Variants in PHACTR1 observed in about 807,000 individuals in gnomAD.
PHACTR1 encodes phosphatase and actin regulator 1.
In PHACTR1, 16 loss-of-function variants were observed where a neutral mutation model predicts 69.2. That is an observed-to-expected ratio of 0.23 (90% CI 0.16 to 0.35). The LOEUF is 0.35. PHACTR1 is among the 10% of genes least tolerant of loss of function. The pLI is 1.00. For missense variants in PHACTR1, 510 were observed against 734.7 expected, an observed-to-expected ratio of 0.69 and a Z score of 3.54; for synonymous variants, 312 against 284.5, an observed-to-expected ratio of 1.10 and a Z score of -0.97.
At chr6:12,740,208 G>A (rs1437945566) in intron 3 of PHACTR1, among the ~76,000 whole-genome samples, 1 of 151,798 alleles carries the variant, frequency 6.6e-6, no homozygotes, top group Non-Finnish European at 1.5e-5. Context: ...TTACAATTAT[G>A]TTTATATATT....
chr6:13,000,636 G>GGAAGGAAGGAAGGAAGGAAT (rs1797975415), intron 4 of PHACTR1, among the ~76,000 whole-genome samples: 1 of 109,772 alleles, frequency 9.1e-6, no homozygotes, highest in African/African-American at 4.0e-5. Flanking sequence ...AAGGAAGGAA[G>GGAAGGAAGGAAGGAAGGAAT]GAAGGGGGGA....
chr6:12,838,359 TG>T (rs1412064146), intron 4 of PHACTR1, among the ~76,000 whole-genome samples: 1 of 152,210 alleles, frequency 6.6e-6, no homozygotes, highest in African/African-American at 2.4e-5. Flanking sequence ...CTGTATCTGA[TG>T]CCTGTCTCCT....
chr6:12,752,009 G>T (rs1174124310), intron 4 of PHACTR1, among the ~76,000 whole-genome samples: 1 of 152,100 alleles, frequency 6.6e-6, no homozygotes, highest in Admixed American at 6.5e-5. Flanking sequence ...ATAAGATCAG[G>T]CTACCAAAAA....
At chr6:12,852,012 T>G (rs532775608) in intron 4 of PHACTR1, among the ~76,000 whole-genome samples, 3 of 152,240 alleles carry the variant, frequency 2.0e-5, no homozygotes, top group Admixed American at 2.0e-4. Flanking sequence ...CTTTTGTATT[T>G]TTAGTAGAGA....
At chr6:12,847,125 C>G (rs576099252) in intron 4 of PHACTR1, among the ~76,000 whole-genome samples, 1 of 152,234 alleles carries the variant, frequency 6.6e-6, no homozygotes, top group African/African-American at 2.4e-5. Context: ...CAGCAACTTG[C>G]TTTTTTTCTT....
chr6:12,719,318 T>A (rs1452464232), intron 3 of PHACTR1, among the ~76,000 whole-genome samples: 1 of 152,190 alleles, frequency 6.6e-6, no homozygotes, highest in Non-Finnish European at 1.5e-5. Flanking sequence ...CCGCCTCAGA[T>A]AATTACTAGT....
At chr6:13,177,164 C>T (rs1253554767) in intron 6 of PHACTR1, among the ~76,000 whole-genome samples, 1 of 110,242 alleles carries the variant, frequency 9.1e-6, no homozygotes, top group Admixed American at 9.6e-5. Context: ...ATAGCAAGAC[C>T]CCATCTCTAA....
At position 13,278,278 on chromosome 6, in the gene PHACTR1, A is replaced by G. The variant is rs1779371699; in HGVS notation, c.1458A>G (p.Glu486=). 2 of 1,595,824 alleles carry G rather than the reference A, an allele frequency of 1.3e-6. No individual in the cohort carries two copies. The highest frequency in any genetic ancestry group is 1.7e-6 in the Non-Finnish European group (2 of 1,170,988). The part of the protein sequence containing the change: ...EQRNILKPRN[E]QEEQEEKREI... Reference sequence around the variant, plus strand: ...AAATATTTTTTTTAGCTCGGAATGAACAAGAGGAACAGGAGGAGAAGAGAG... The same window carrying G: ...AAATATTTTTTTTAGCTCGGAATGAGCAAGAGGAACAGGAGGAGAAGAGAG... Residue 486 remains glutamate, a synonymous_variant, in exon 12 of 15, where the codon GAA becomes GAG. Transcript: ENST00000332995.
intron 4 of PHACTR1, among the ~76,000 whole-genome samples, chr6:13,036,546 C>T (rs1561728040): frequency 6.6e-6 from 1 of 152,154 alleles, no homozygotes; most frequent in Non-Finnish European, 1.5e-5. Context: ...TTAGCAAATC[C>T]TCTTGTGGCA....
At chr6:12,899,030 T>C (rs941848234) in intron 4 of PHACTR1, among the ~76,000 whole-genome samples, 3 of 152,186 alleles carry the variant, frequency 2.0e-5, no homozygotes, top group Non-Finnish European at 2.9e-5. Context: ...ATATGCAGCT[T>C]CCCTGGTAAA....
At chr6:13,111,043 A>G (rs1816959294) in intron 5 of PHACTR1, among the ~76,000 whole-genome samples, 1 of 152,182 alleles carries the variant, frequency 6.6e-6, no homozygotes, top group Admixed American at 6.6e-5. Context: ...CACAATTTAC[A>G]TAAGAATCCC....
chr6:13,019,003 C>G (rs1323941100), intron 4 of PHACTR1, among the ~76,000 whole-genome samples: 1 of 151,406 alleles, frequency 6.6e-6, no homozygotes, highest in Non-Finnish European at 1.5e-5. Context: ...ACCGTCACAT[C>G]TAGCTAATTT....
chr6:13,282,292 C>A (rs1432481907), intron 12 of PHACTR1, among the ~76,000 whole-genome samples: 1 of 152,160 alleles, frequency 6.6e-6, no homozygotes, highest in Non-Finnish European at 1.5e-5. Flanking sequence ...TTAAAGAGAG[C>A]AACTGTGTTG....
chr6:12,783,815 T>A (rs576529137), intron 4 of PHACTR1, among the ~76,000 whole-genome samples: 2 of 152,244 alleles, frequency 1.3e-5, no homozygotes, highest in African/African-American at 4.8e-5. Context: ...TTCTACTATA[T>A]CATGTTAAAT....
intron 10 of PHACTR1, among the ~76,000 whole-genome samples, chr6:13,230,560 A>G (rs1315721552): frequency 6.6e-6 from 1 of 151,822 alleles, no homozygotes; most frequent in Non-Finnish European, 1.5e-5. Context: ...AAAAAAAAAA[A>G]AAAAAAGGAA....
intron 5 of PHACTR1, among the ~76,000 whole-genome samples, chr6:13,118,301 G>A (rs1182898544): frequency 6.6e-6 from 1 of 151,990 alleles, no homozygotes; most frequent in African/African-American, 2.4e-5. Flanking sequence ...GTTATGCCTG[G>A]GATCCCTTCA....
intron 5 of PHACTR1, among the ~76,000 whole-genome samples, chr6:13,134,165 G>A (rs994849993): frequency 6.6e-6 from 1 of 151,526 alleles, no homozygotes. Flanking sequence ...GAGGTGGGGG[G>A]CAGCCCCCGC....
chr6:12,958,617 T>C (rs1792215260), intron 4 of PHACTR1, among the ~76,000 whole-genome samples: 1 of 152,212 alleles, frequency 6.6e-6, no homozygotes, highest in South Asian at 2.1e-4. Flanking sequence ...GCTACATGGA[T>C]TCTTTTAACA....
intron 5 of PHACTR1, among the ~76,000 whole-genome samples, chr6:13,139,542 C>A (rs1822099564): frequency 6.6e-6 from 1 of 152,152 alleles, no homozygotes; most frequent in Non-Finnish European, 1.5e-5. Flanking sequence ...AAAAAACTTT[C>A]ATTTGAGGAA....
Sources: gnomAD v4.1 joint callset for allele counts (sites outside exome capture counted in the v4.1 genomes callset) on GRCh38, gnomAD v4.1.1 for gene constraint, MANE v1.5 for transcripts, NCBI Gene and HGNC (gene_info 2026-07-23, HGNC 2026-07-21) for gene names.